Variants in STAT5B observed in about 807,000 individuals in gnomAD.
The protein encoded by STAT5B is transcription factor STAT5B.
Under a neutral mutation model 107.8 loss-of-function variants are expected in STAT5B, and 21 were observed. The ratio of observed to expected loss-of-function variants is 0.19; its 90% CI spans 0.14 to 0.28. The LOEUF is 0.28. Among genes scored for constraint, STAT5B ranks in the 10% least tolerant of loss-of-function variants. STAT5B has a pLI of 1.00. For synonymous variants in STAT5B, 325 were observed against 401.7 expected (o/e 0.81, Z 2.28); for missense variants, 565 against 1,008.2 (o/e 0.56, Z 5.95).
rs773527904 is a variant in STAT5B at position 42,202,834 on chromosome 17, C to CA, written c.2078-27dup. 25 of 1,614,220 alleles carry CA rather than the reference C, an allele frequency of 1.5e-5. No individual in the cohort carries two copies. The East Asian group carries it at 5.6e-4, about 36-fold the overall frequency. ...CTGCCAAGGGAAGAATGTAGTAAAT[C>CA]AAAGTTCTCAAGTGAAACAAAAATG... On this transcript the variant is annotated intron_variant, in intron 16 of 18. Transcript: ENST00000293328.
intron 16 of STAT5B, 72 bp downstream of exon 16, chr17:42,207,486 T>G (rs2080093958): frequency 7.5e-7 from 1 of 1,339,580 alleles, no homozygotes; most frequent in Admixed American, 2.0e-5. Flanking sequence ...CACGCAGGTA[T>G]GCACACACAC....
upstream of STAT5B, among the ~76,000 whole-genome samples, chr17:42,279,348 A>T (rs77505463): frequency 0.034 from 5,148 of 152,272 alleles, 281 homozygotes; most frequent in African/African-American, 0.12. Context: ...TACTACATGT[A>T]AAGTGCTTCA....
chr17:42,275,994 C>A (rs1445410005), intron 1 of STAT5B, among the ~76,000 whole-genome samples: 1 of 151,768 alleles, frequency 6.6e-6, no homozygotes, highest in East Asian at 2.0e-4. Flanking sequence ...AAGCGCACGC[C>A]CCCCGCGGCG....
chr17:42,276,453 ACGCGCGCCGCTGGCAACCCGGAG>A (rs1014823566), upstream of STAT5B: 14 of 147,036 alleles, frequency 9.5e-5, no homozygotes, highest in African/African-American at 3.5e-4. This position sits in a 1 kb window ranked among gnomAD's most constrained non-coding sequence, Gnocchi z 4.8. Context: ...AGGCCCAGGG[ACGCGCGCCGCTGGCAACCCGGAG>A]CGCGCCCCGC....
intron 1 of STAT5B, among the ~76,000 whole-genome samples, chr17:42,232,375 A>C (rs1458429056): frequency 6.6e-6 from 1 of 151,704 alleles, no homozygotes; most frequent in Non-Finnish European, 1.5e-5. Flanking sequence ...CAGCCTCCTG[A>C]GTAGCTGGGA....
intron 9 of STAT5B, 115 bp downstream of exon 9, chr17:42,218,036 C>T: frequency 2.6e-6 from 4 of 1,523,706 alleles, no homozygotes; most frequent in South Asian, 1.2e-5. Flanking sequence ...TTTGCTGATG[C>T]CCAGAAGAGG....
In STAT5B at chr17:42,211,778, G is replaced by A. The variant is rs74565848; in HGVS notation, c.1680+206C>T. On this transcript the variant is annotated intron_variant, in intron 13 of 18. Coordinates refer to ENST00000293328, the MANE Select transcript of STAT5B (RefSeq NM_012448.4). ...AGAAAATGCATTAACTGTAGACAAA[G>A]GTCAACTTATTTAAAATATGCAAAG... Among the ~76,000 whole-genome samples the A allele has an allele frequency of 3.6e-3, 551 of 152,276 alleles. 3 individuals carry two copies. The highest frequency in any genetic ancestry group is 0.012 in the African/African-American group (518 of 41,546).
chr17:42,225,472 G>C (rs927074159), intron 3 of STAT5B, among the ~76,000 whole-genome samples: 1 of 152,148 alleles, frequency 6.6e-6, no homozygotes, highest in African/African-American at 2.4e-5. Flanking sequence ...GAGGGGACGA[G>C]GGACACTGCC....
chr17:42,273,544 C>G (rs901687489), intron 1 of STAT5B, among the ~76,000 whole-genome samples: 1 of 152,146 alleles, frequency 6.6e-6, no homozygotes, highest in African/African-American at 2.4e-5. Flanking sequence ...GTAATCTGCA[C>G]TCTTAACAGA....
intron 16 of STAT5B, 113 bp downstream of exon 16, chr17:42,207,445 T>G: frequency 7.3e-7 from 1 of 1,363,778 alleles, no homozygotes; most frequent in Non-Finnish European, 1.0e-6. Context: ...TGAATGGTAA[T>G]TGTGTGGGTT....
intron 1 of STAT5B, among the ~76,000 whole-genome samples, chr17:42,240,074 C>A (rs1353765305): frequency 6.6e-6 from 1 of 152,204 alleles, no homozygotes; most frequent in African/African-American, 2.4e-5. Flanking sequence ...GTGGAGGTTG[C>A]AGTGAGCCGA....
rs373036522 is a variant in STAT5B, at chr17:42,212,113, G to C, written c.1551C>G (p.Ala517=). Residue 517 remains alanine (A), a synonymous_variant, in exon 13 of 19, where the codon GCC becomes GCG. Coordinates refer to ENST00000293328, the MANE Select transcript of STAT5B (RefSeq NM_012448.4). The part of the protein sequence containing the change: ...LCEALNMKFK[A]EVQSNRGLTK... ...TCAGGCCCCGGTTGCTCTGCACTTCGGCCTTGAATTTCATGTTGAGCGCCT... is the reference window on the plus strand; with the variant it reads ...TCAGGCCCCGGTTGCTCTGCACTTCCGCCTTGAATTTCATGTTGAGCGCCT... 6.2e-7 allele frequency: 1 copy of C among 1,613,964 alleles called. No homozygotes were observed. Among genetic ancestry groups the C allele is most frequent in the Admixed American group, 1.7e-5 (1 of 59,968 alleles).
chr17:42,236,986 C>A (rs1194272731), intron 1 of STAT5B, among the ~76,000 whole-genome samples: 1 of 152,170 alleles, frequency 6.6e-6, no homozygotes, highest in Non-Finnish European at 1.5e-5. Context: ...GTAGTTTGTT[C>A]TTTGGTAAAT....
chr17:42,245,409 T>C (rs147801455), intron 1 of STAT5B, among the ~76,000 whole-genome samples: 107 of 151,316 alleles, frequency 7.1e-4, no homozygotes, highest in African/African-American at 2.5e-3. Context: ...TAAAGTGCAG[T>C]GGCATGATCT....
intron 1 of STAT5B, among the ~76,000 whole-genome samples, chr17:42,258,455 G>GA (rs1235846184): frequency 6.6e-6 from 1 of 152,128 alleles, no homozygotes; most frequent in Non-Finnish European, 1.5e-5. Flanking sequence ...GAAGCGGAAG[G>GA]ATCACCTGAG....
chr17:42,204,562 A>G lies in STAT5B; in HGVS notation c.2078-1754T>C, dbSNP rs1437185424. Among the ~76,000 whole-genome samples the G allele has an allele frequency of 2.6e-5, 4 of 152,360 alleles. No individual in the cohort carries two copies. In the East Asian group the frequency reaches 7.7e-4, roughly 29 times the overall value. On this transcript the variant is annotated intron_variant, in intron 16 of 18. Transcript: ENST00000293328. ...GTTTTTTGTGCTTTACAGTGTACAG[A>G]GTATTTTATAGATTGGCTAAGAAGT...
chr17:42,238,110 C>T (rs949881923), intron 1 of STAT5B, among the ~76,000 whole-genome samples: 4 of 115,460 alleles, frequency 3.5e-5, no homozygotes, highest in Non-Finnish European at 7.8e-5. Context: ...ATCCATCCAT[C>T]CATCCATCCA....
intron 1 of STAT5B, among the ~76,000 whole-genome samples, chr17:42,236,480 C>T (rs1325289844): frequency 1.3e-5 from 2 of 152,186 alleles, no homozygotes; most frequent in African/African-American, 2.4e-5. Flanking sequence ...CTCACTCTGT[C>T]GCCTAGGCTG....
chr17:42,256,861 CAAAAAA>C (rs781345676), intron 1 of STAT5B, among the ~76,000 whole-genome samples: 39 of 44,806 alleles, frequency 8.7e-4, no homozygotes, highest in African/African-American at 3.6e-3. Context: ...GACTCTGTCT[CAAAAAA>C]AAAAAAAAAA....
Sources: allele counts gnomAD v4.1 joint callset (sites outside exome capture counted in the v4.1 genomes callset), GRCh38; gene constraint gnomAD v4.1.1; non-coding constraint Gnocchi (gnomAD v3.1); transcripts MANE v1.5; gene names NCBI Gene and HGNC (gene_info 2026-07-23, HGNC 2026-07-21).